XIRP2: variants seen among roughly 807,000 people sequenced by gnomAD.
XIRP2 encodes xin actin-binding repeat-containing protein 2.
XIRP2 carries 236 observed loss-of-function variants against 277.0 expected under a neutral mutation model. That is an observed-to-expected ratio of 0.85 (90% CI 0.77 to 0.95). XIRP2 has a LOEUF of 0.95. Among genes scored for constraint, XIRP2 ranks in the 40% least tolerant of loss-of-function variants. XIRP2 has a pLI of 0.00. For missense variants in XIRP2, 4,640 were observed against 4,157.5 expected (o/e 1.12, Z -3.19); for synonymous variants, 1,490 against 1,416.5 (o/e 1.05, Z -1.17).
At position 167,258,688 on chromosome 2, in the gene XIRP2, A is replaced by G. The variant is rs1181363091; in HGVS notation, c.*871A>G. ...AGAATAATAATAACAATTATGTAGC[A>G]GTCTCATATCTGAATAATTGCAGGC... On this transcript the variant is annotated 3_prime_UTR_variant, in exon 11 of 11. Coordinates refer to ENST00000409195, the MANE Select transcript of XIRP2 (RefSeq NM_152381.6). The G allele has an allele frequency of 1.2e-6, 2 of 1,612,618 alleles. No homozygotes were observed. The highest frequency in any genetic ancestry group is 8.5e-7 in the Non-Finnish European group (1 of 1,179,322).
intron 2 of XIRP2, among the ~76,000 whole-genome samples, chr2:167,039,929 A>G (rs1395237016): frequency 2.0e-5 from 3 of 152,210 alleles, no homozygotes; most frequent in Admixed American, 2.0e-4. Flanking sequence ...CCAAAAAATC[A>G]ATATACATAC....
intron 2 of XIRP2, among the ~76,000 whole-genome samples, chr2:166,946,150 A>G (rs747377427): frequency 2.0e-5 from 3 of 152,222 alleles, no homozygotes; most frequent in Non-Finnish European, 2.9e-5. Flanking sequence ...TATGATTTCT[A>G]GAGTTATTAA....
At chr2:167,208,876 A>G (rs573693434) in intron 3 of XIRP2, among the ~76,000 whole-genome samples, 19 of 152,352 alleles carry the variant, frequency 1.2e-4, no homozygotes, top group African/African-American at 3.8e-4. Flanking sequence ...AATAAAATCT[A>G]TATGACATTC....
At chr2:167,183,058 T>C (rs973251388) in intron 3 of XIRP2, among the ~76,000 whole-genome samples, 2 of 152,140 alleles carry the variant, frequency 1.3e-5, no homozygotes, top group African/African-American at 4.8e-5. Flanking sequence ...TTATTTCAGG[T>C]TATCAAGAAC....
At chr2:166,955,128 A>T (rs1382363915) in intron 2 of XIRP2, among the ~76,000 whole-genome samples, 1 of 151,846 alleles carries the variant, frequency 6.6e-6, no homozygotes, top group Non-Finnish European at 1.5e-5. Context: ...TATTCATAGC[A>T]TTTTTCATAA....
chr2:167,103,398 G>GT (rs1444680158), intron 2 of XIRP2, among the ~76,000 whole-genome samples: 12 of 152,132 alleles, frequency 7.9e-5, no homozygotes, highest in African/African-American at 2.9e-4. Flanking sequence ...ACTTGCTTTA[G>GT]TTTTATTGTT....
At chr2:167,199,618 TG>T (rs1369363766) in intron 3 of XIRP2, among the ~76,000 whole-genome samples, 1 of 152,170 alleles carries the variant, frequency 6.6e-6, no homozygotes. Context: ...AGGCCATAAT[TG>T]TTTTAGGGGC....
intron 2 of XIRP2, among the ~76,000 whole-genome samples, chr2:166,937,360 CT>C (rs1685548609): frequency 6.6e-6 from 1 of 152,106 alleles, no homozygotes; most frequent in Non-Finnish European, 1.5e-5. Context: ...TGGTTTTGGT[CT>C]TTGGTTCTGT....
intron 3 of XIRP2, among the ~76,000 whole-genome samples, chr2:167,181,037 A>G (rs1395447964): frequency 1.3e-5 from 2 of 152,228 alleles, no homozygotes; most frequent in East Asian, 3.8e-4. Flanking sequence ...TATGGTACAA[A>G]CCATGAAATA....
At chr2:167,002,751 T>A (rs537388155) in intron 2 of XIRP2, among the ~76,000 whole-genome samples, 11 of 152,104 alleles carry the variant, frequency 7.2e-5, no homozygotes, top group African/African-American at 2.4e-4. Flanking sequence ...GTCTTAAACA[T>A]AGTAATTTTC....
chr2:167,092,624 C>T (rs1389964335), intron 2 of XIRP2, among the ~76,000 whole-genome samples: 1 of 152,080 alleles, frequency 6.6e-6, no homozygotes, highest in Non-Finnish European at 1.5e-5. Flanking sequence ...TTCTTGAACA[C>T]TATAATGATT....
intron 4 of XIRP2, 75 bp from the exon 5 acceptor site, chr2:167,218,091 A>C: frequency 2.3e-6 from 3 of 1,288,364 alleles, no homozygotes; most frequent in Non-Finnish European, 2.0e-6. Flanking sequence ...AATGTCAACT[A>C]TTTTTAAAAT....
In XIRP2 at chr2:167,083,518, T is replaced by C. The variant is rs545094680; in HGVS notation, c.409-52391T>C. 1.7e-3 allele frequency among the ~76,000 whole-genome samples: 255 copies of C among 152,346 alleles called. 3 individuals carry two copies. The highest frequency in any genetic ancestry group is 5.3e-3 in the African/African-American group (222 of 41,578). ...AGCTTGATGGGGATGGCATTGAATC[T>C]GTAAATTACCTTGGGCAGTATGGCC... On this transcript the variant is annotated intron_variant, in intron 2 of 10. Coordinates refer to ENST00000409195, the MANE Select transcript of XIRP2 (RefSeq NM_152381.6).
chr2:167,215,047 T>G (rs772455680), intron 4 of XIRP2, among the ~76,000 whole-genome samples: 47 of 152,204 alleles, frequency 3.1e-4, no homozygotes, highest in Non-Finnish European at 6.3e-4. Context: ...ACAGCAAGGT[T>G]CTTCTTAATA....
At chr2:167,017,451 T>C (rs1316952452) in intron 2 of XIRP2, among the ~76,000 whole-genome samples, 1 of 152,002 alleles carries the variant, frequency 6.6e-6, no homozygotes, top group Non-Finnish European at 1.5e-5. Context: ...ATCAGTCAGT[T>C]ACCCTTGCCA....
chr2:166,972,294 GT>G (rs1278998253), intron 2 of XIRP2, among the ~76,000 whole-genome samples: 4 of 151,934 alleles, frequency 2.6e-5, no homozygotes, highest in Non-Finnish European at 5.9e-5. Context: ...GCCACCCAGG[GT>G]TTTTTTGTAG....
At chr2:166,943,180 C>T (rs1284444524) in intron 2 of XIRP2, among the ~76,000 whole-genome samples, 1 of 152,058 alleles carries the variant, frequency 6.6e-6, no homozygotes, top group Non-Finnish European at 1.5e-5. Context: ...AAGGTACTAA[C>T]TATAAATCAT....
chr2:167,081,426 C>T (rs569461692), intron 2 of XIRP2, among the ~76,000 whole-genome samples: 7 of 152,238 alleles, frequency 4.6e-5, no homozygotes, highest in African/African-American at 1.7e-4. Context: ...AGTGATTGCA[C>T]CACTGTACTC....
chr2:167,089,972 G>A (rs1690093143), intron 2 of XIRP2, among the ~76,000 whole-genome samples: 1 of 152,144 alleles, frequency 6.6e-6, no homozygotes, highest in Non-Finnish European at 1.5e-5. Context: ...GTTAAAACTA[G>A]TACTGTTTAG....
Sources: gnomAD v4.1 joint callset for allele counts (sites outside exome capture counted in the v4.1 genomes callset) on GRCh38, gnomAD v4.1.1 for gene constraint, MANE v1.5 for transcripts, NCBI Gene and HGNC (gene_info 2026-07-23, HGNC 2026-07-21) for gene names.